The following ZNF618 variants were observed in gnomAD, a reference collection of about 807,000 sequenced individuals.
ZNF618 encodes the protein zinc finger protein 618.
ZNF618 carries 34 observed loss-of-function variants against 103.0 expected under a neutral mutation model. That is an observed-to-expected ratio of 0.33 (90% CI 0.25 to 0.44). ZNF618 has a LOEUF of 0.44. Ranked by LOEUF, ZNF618 falls within the 20% of genes least tolerant of loss-of-function variation. ZNF618 has a pLI of 1.00. For synonymous variants in ZNF618, 551 were observed against 542.2 expected, an observed-to-expected ratio of 1.02 and a Z score of -0.23; for missense variants, 1,059 against 1,295.4, an observed-to-expected ratio of 0.82 and a Z score of 2.80.
At chr9:114,008,426 C>A in intron 8 of ZNF618, 47 bp downstream of exon 8, 2 of 1,613,826 alleles carry the variant, frequency 1.2e-6, no homozygotes. Flanking sequence ...CCCGGCTGGG[C>A]TCCTGAGACC....
At chr9:113,898,572 G>A (rs558832282) in intron 1 of ZNF618, among the ~76,000 whole-genome samples, 3 of 151,632 alleles carry the variant, frequency 2.0e-5, no homozygotes, top group Non-Finnish European at 4.4e-5. Flanking sequence ...GACTACAGGT[G>A]TGCACCACCA....
rs72757101 is a variant in ZNF618, at chr9:113,961,576, G to A, written c.34-7541G>A. Among the ~76,000 whole-genome samples the A allele has an allele frequency of 1.3e-3, 204 of 152,350 alleles. 3 individuals are homozygous for A. Among genetic ancestry groups the A allele is most frequent in the Non-Finnish European group, 1.6e-3 (111 of 68,032 alleles). On this transcript the variant is annotated intron_variant, in intron 1 of 14. Transcript: ENST00000374126. ...CAGCCTCTTGCCACTCCTCAAGCGT[G>A]GAACCTAGGGCAGTCAGTGGCTTTG...
At chr9:113,910,830 T>G (rs926562671) in intron 1 of ZNF618, among the ~76,000 whole-genome samples, 1 of 148,854 alleles carries the variant, frequency 6.7e-6, no homozygotes, top group African/African-American at 2.5e-5. Context: ...CTGCTTTTTC[T>G]TTTTTTCTTT....
intron 4 of ZNF618, among the ~76,000 whole-genome samples, chr9:114,000,685 G>A (rs367800998): frequency 1.6e-4 from 24 of 152,272 alleles, no homozygotes; most frequent in African/African-American, 5.5e-4. Flanking sequence ...CTCAGGAAAC[G>A]GGCCTCTGCT....
At chr9:113,931,885 A>C (rs894543284) in intron 1 of ZNF618, among the ~76,000 whole-genome samples, 1 of 152,198 alleles carries the variant, frequency 6.6e-6, no homozygotes, top group Non-Finnish European at 1.5e-5. Flanking sequence ...CTCATATTTT[A>C]TTCCTGTTGG....
chr9:113,957,655 T>C (rs988460310), intron 1 of ZNF618, among the ~76,000 whole-genome samples: 10 of 152,130 alleles, frequency 6.6e-5, no homozygotes, highest in Admixed American at 5.9e-4. Context: ...TAGAAGAGAT[T>C]TGAGGACAGC....
rs546038086 is a variant in ZNF618 at position 114,052,229 on chromosome 9, C to G, written c.*2062C>G. 1.3e-5 allele frequency: 2 copies of G among 152,764 alleles called. No individual in the cohort carries two copies. The highest frequency in any genetic ancestry group is 1.3e-4 in the Admixed American group (2 of 15,300). The allele number at this position is 152,764 out of a possible 1,614,324, so 9.5% of individuals were successfully genotyped here. A position where few individuals can be genotyped will look rare whatever the true frequency, so the allele number is the denominator to read the frequency against. ...TGGGGGCCAAGCCTGCACACTTTGC[C>G]TCATGAGAACTCACCCAGCTCTCCC... On this transcript the variant is annotated 3_prime_UTR_variant, in exon 15 of 15. Coordinates refer to ENST00000374126, the MANE Select transcript of ZNF618 (RefSeq NM_001318042.2).
At chr9:113,997,294 G>T (rs568481567) in intron 3 of ZNF618, among the ~76,000 whole-genome samples, 1 of 151,890 alleles carries the variant, frequency 6.6e-6, no homozygotes, top group Non-Finnish European at 1.5e-5. Flanking sequence ...TTTCTGTAGA[G>T]ATGGGGGTCT....
At chr9:113,981,247 G>A (rs78044536) in intron 2 of ZNF618, among the ~76,000 whole-genome samples, 2 of 152,164 alleles carry the variant, frequency 1.3e-5, no homozygotes, top group East Asian at 3.9e-4. Flanking sequence ...CATTGTTAAA[G>A]GTGGGTGAGG....
At chr9:114,004,337 C>G (rs1419785789) in intron 6 of ZNF618, among the ~76,000 whole-genome samples, 1 of 152,200 alleles carries the variant, frequency 6.6e-6, no homozygotes, top group African/African-American at 2.4e-5. Context: ...GCCTTTCCTG[C>G]CCCAGCCCCA....
rs372238611 is a variant in ZNF618, at chr9:113,972,337, C to T, written c.77+3177C>T. 2.0e-5 allele frequency among the ~76,000 whole-genome samples: 3 copies of T among 152,202 alleles called. 1 individual carries two copies. The highest frequency in any genetic ancestry group is 4.1e-4 in the South Asian group (2 of 4,824). Reference sequence around the variant, plus strand: ...GTGCTGGGATTACAGATAGGAGCCACCATGCCCACCCTTTATTTATTAATT... The same window carrying T: ...GTGCTGGGATTACAGATAGGAGCCATCATGCCCACCCTTTATTTATTAATT... On this transcript the variant is annotated intron_variant, in intron 2 of 14. Transcript: ENST00000374126.
At chr9:113,882,592 C>A (rs925646799) in intron 1 of ZNF618, among the ~76,000 whole-genome samples, 3 of 152,214 alleles carry the variant, frequency 2.0e-5, no homozygotes, top group Non-Finnish European at 2.9e-5. Context: ...AATGTACACT[C>A]TTGGCTGTTG....
chr9:114,038,160 G>T (rs180857661), intron 13 of ZNF618, among the ~76,000 whole-genome samples: 10 of 152,300 alleles, frequency 6.6e-5, no homozygotes, highest in Admixed American at 5.9e-4. Flanking sequence ...CATATCGCTT[G>T]GTCCTGAGAC....
At chr9:113,968,937 T>C (rs1057227563) in intron 1 of ZNF618, among the ~76,000 whole-genome samples, 180 bp from the exon 2 acceptor site, 3 of 152,192 alleles carry the variant, frequency 2.0e-5, no homozygotes, top group Non-Finnish European at 4.4e-5. Flanking sequence ...GGAGGTGTTC[T>C]GACTCCCTCT....
chr9:113,892,080 C>A (rs900371913), intron 1 of ZNF618, among the ~76,000 whole-genome samples: 1 of 152,014 alleles, frequency 6.6e-6, no homozygotes, highest in Non-Finnish European at 1.5e-5. Context: ...GGACAATGGG[C>A]AGTTGTTAAA....
At chr9:114,040,628 G>T (rs933794936) in intron 13 of ZNF618, among the ~76,000 whole-genome samples, 1 of 152,138 alleles carries the variant, frequency 6.6e-6, no homozygotes, top group Non-Finnish European at 1.5e-5. Flanking sequence ...ATGGTTTCCA[G>T]CTTCATCCAT....
chr9:114,037,778 G>A (rs1844751945), intron 13 of ZNF618, among the ~76,000 whole-genome samples: 1 of 152,160 alleles, frequency 6.6e-6, no homozygotes, highest in Admixed American at 6.5e-5. Flanking sequence ...TATTAATTGG[G>A]TATCTGCTGT....
intron 1 of ZNF618, among the ~76,000 whole-genome samples, chr9:113,896,765 T>G (rs999068458): frequency 4.6e-5 from 7 of 152,098 alleles, no homozygotes; most frequent in Admixed American, 3.9e-4. Context: ...GCTTTATATG[T>G]TTTACTTTAT....
At chr9:114,033,969 C>T (rs1383781875) in intron 12 of ZNF618, among the ~76,000 whole-genome samples, 1 of 152,132 alleles carries the variant, frequency 6.6e-6, no homozygotes, top group African/African-American at 2.4e-5. Flanking sequence ...CCACTTCGGG[C>T]TGTTACTCAC....
Sources: gnomAD v4.1 joint callset for allele counts (sites outside exome capture counted in the v4.1 genomes callset) on GRCh38, gnomAD v4.1.1 for gene constraint, MANE v1.5 for transcripts, NCBI Gene and HGNC (gene_info 2026-07-23, HGNC 2026-07-21) for gene names.